Variants in JMJD1C observed in about 807,000 individuals in gnomAD.
JMJD1C encodes jumonji domain-containing protein 1C.
In JMJD1C, 31 loss-of-function variants were observed where a neutral mutation model predicts 245.3. That is an observed-to-expected ratio of 0.13 (90% CI 0.09 to 0.17). The LOEUF is 0.17. Among genes scored for constraint, JMJD1C ranks in the 10% least tolerant of loss-of-function variants. The probability of loss-of-function intolerance (pLI) is 1.00; values close to 1 mark genes in which losing one functional copy is unlikely to be tolerated. For missense variants in JMJD1C, 2,691 were observed against 3,000.2 expected (o/e 0.90, Z 2.41); for synonymous variants, 1,057 against 1,017.4 (o/e 1.04, Z -0.74).
chr10:63,275,801 T>A (rs1375378736), intron 2 of JMJD1C, among the ~76,000 whole-genome samples: 1 of 152,192 alleles, frequency 6.6e-6, no homozygotes, highest in African/African-American at 2.4e-5. Context: ...CAGTTAACTA[T>A]TTAAGTGCAC....
intron 2 of JMJD1C, among the ~76,000 whole-genome samples, chr10:63,296,330 T>C (rs1204053243): frequency 6.6e-6 from 1 of 152,052 alleles, no homozygotes; most frequent in African/African-American, 2.4e-5. Context: ...TTCATTAATA[T>C]TGAGATCACG....
chr10:63,387,031 C>T (rs1947661654), intron 1 of JMJD1C, among the ~76,000 whole-genome samples: 1 of 152,152 alleles, frequency 6.6e-6, no homozygotes, highest in Non-Finnish European at 1.5e-5. Context: ...CCCACTAAAC[C>T]ACAGAAGAAA....
At chr10:63,305,711 C>T (rs927607671) in intron 2 of JMJD1C, among the ~76,000 whole-genome samples, 1 of 142,198 alleles carries the variant, frequency 7.0e-6, no homozygotes, top group Non-Finnish European at 1.5e-5. Flanking sequence ...AGGGATATTG[C>T]TATACTTGTA....
chr10:63,393,802 A>T (rs903572038), intron 1 of JMJD1C, among the ~76,000 whole-genome samples: 2 of 152,196 alleles, frequency 1.3e-5, no homozygotes, highest in Non-Finnish European at 2.9e-5. Flanking sequence ...GGGGAGGGAA[A>T]AGGAAATAGA....
At chr10:63,185,418 C>T in intron 20 of JMJD1C, 145 bp downstream of exon 20, 1 of 653,264 alleles carries the variant, frequency 1.5e-6, no homozygotes, top group Non-Finnish European at 2.7e-6. Flanking sequence ...AGGCGTGAGC[C>T]ACTATGACGC....
Position 63,423,276 on chromosome 10 carries a change from C to A in JMJD1C, c.168+42219G>T, listed in dbSNP as rs1950238100. The stretch of plus-strand genomic sequence containing the variant: ...CACCGCACCTGGCCCAAAACTTTTT[C>A]ATCATCCCAAATAGGAACTCTGCAT... On this transcript the variant is annotated intron_variant, in intron 1 of 25. Transcript: ENST00000399262. Among the ~76,000 whole-genome samples the A allele has an allele frequency of 2.0e-5, 3 of 151,986 alleles. No homozygotes were observed. The South Asian group carries it at 6.2e-4, about 32-fold the overall frequency.
intron 3 of JMJD1C, among the ~76,000 whole-genome samples, chr10:63,249,042 G>T (rs1852678917): frequency 1.3e-5 from 2 of 152,216 alleles, no homozygotes; most frequent in Non-Finnish European, 2.9e-5. Context: ...TTGGCCAGGA[G>T]TGGTGGCTCA....
chr10:63,399,189 T>C (rs1948699262), intron 1 of JMJD1C, among the ~76,000 whole-genome samples: 1 of 152,214 alleles, frequency 6.6e-6, no homozygotes, highest in Non-Finnish European at 1.5e-5. Context: ...AAATTTTCCA[T>C]CCTTGGTCAG....
chr10:63,331,916 G>A (rs1198833981), intron 2 of JMJD1C, among the ~76,000 whole-genome samples: 2 of 152,064 alleles, frequency 1.3e-5, no homozygotes, highest in East Asian at 1.9e-4. Flanking sequence ...CACAGCACCC[G>A]ACCTTTTAAC....
intron 1 of JMJD1C, among the ~76,000 whole-genome samples, chr10:63,406,887 A>G (rs991970620): frequency 1.3e-5 from 2 of 152,166 alleles, no homozygotes; most frequent in African/African-American, 4.8e-5. Flanking sequence ...GACTCAAAGA[A>G]TAATAATTAA....
chr10:63,404,562 T>A (rs551565635), intron 1 of JMJD1C, among the ~76,000 whole-genome samples: 10 of 152,270 alleles, frequency 6.6e-5, no homozygotes, highest in African/African-American at 2.4e-4. Flanking sequence ...TAAGATATAT[T>A]TGAGATTTTA....
At chr10:63,258,167 TAAC>T (rs767552039) in intron 3 of JMJD1C, among the ~76,000 whole-genome samples, 26 of 152,242 alleles carry the variant, frequency 1.7e-4, no homozygotes, top group Non-Finnish European at 3.4e-4. Flanking sequence ...TTAATCTTTC[TAAC>T]AACCCTGAGG....
chr10:63,185,422 A>G (rs1361403977), intron 20 of JMJD1C, 141 bp downstream of exon 20: 3 of 661,488 alleles, frequency 4.5e-6, no homozygotes, highest in African/African-American at 1.8e-5. Flanking sequence ...GTGAGCCACT[A>G]TGACGCTCAG....
chr10:63,282,954 G>C (rs1233691184), intron 2 of JMJD1C, among the ~76,000 whole-genome samples: 1 of 152,180 alleles, frequency 6.6e-6, no homozygotes, highest in Non-Finnish European at 1.5e-5. Context: ...CTGACCTTGT[G>C]ATCTGCCTGC....
chr10:63,264,546 G>T, intron 3 of JMJD1C, 105 bp downstream of exon 3: 2 of 590,904 alleles, frequency 3.4e-6, no homozygotes, highest in Non-Finnish European at 2.9e-6. Context: ...CACACAACTA[G>T]AAGTTAGATG....
intron 3 of JMJD1C, among the ~76,000 whole-genome samples, chr10:63,223,228 T>C (rs1261265881): frequency 1.3e-5 from 1 of 77,252 alleles, no homozygotes; most frequent in East Asian, 2.7e-4. Context: ...TTTTCTGTGC[T>C]GTTTTTTTTT....
intron 10 of JMJD1C, chr10:63,204,168 A>G (rs1846341186): frequency 1.0e-6 from 1 of 985,144 alleles, no homozygotes; most frequent in Admixed American, 6.2e-5. Flanking sequence ...GTAGCCTAGA[A>G]CAAAAGCAAG....
At chr10:63,269,980 TA>T (rs895942039) in intron 2 of JMJD1C, among the ~76,000 whole-genome samples, 7 of 152,184 alleles carry the variant, frequency 4.6e-5, no homozygotes, top group South Asian at 2.1e-4. Flanking sequence ...ACATTGAATA[TA>T]AAAAAAATTA....
At chr10:63,487,885 G>A (rs984945687) in intron 1 of JMJD1C, among the ~76,000 whole-genome samples, 1 of 152,188 alleles carries the variant, frequency 6.6e-6, no homozygotes, top group African/African-American at 2.4e-5. Flanking sequence ...AACCAACCAG[G>A]ATGCTAGTTC....
Sources: gnomAD v4.1 joint callset for allele counts (sites outside exome capture counted in the v4.1 genomes callset) on GRCh38, gnomAD v4.1.1 for gene constraint, MANE v1.5 for transcripts, NCBI Gene and HGNC (gene_info 2026-07-23, HGNC 2026-07-21) for gene names.